Variants in PAPOLA observed in about 807,000 individuals in gnomAD.
The protein encoded by PAPOLA is poly(A) polymerase alpha, also known as polynucleotide adenylyltransferase alpha.
A neutral mutation model predicts 100.6 loss-of-function variants in PAPOLA; 15 were observed. The ratio of observed to expected loss-of-function variants is 0.15; its 90% confidence interval spans 0.10 to 0.23. The LOEUF (loss-of-function observed/expected upper bound fraction) is 0.23. PAPOLA is among the 10% of genes least tolerant of loss of function. PAPOLA has a pLI of 1.00. For synonymous variants in PAPOLA, 293 were observed against 300.0 expected, an observed-to-expected ratio of 0.98 and a Z score of 0.24; for missense variants, 533 against 884.2, an observed-to-expected ratio of 0.60 and a Z score of 5.04.
intron 21 of PAPOLA, 93 bp from the exon 22 acceptor site, chr14:96,564,862 A>G (rs970144897): frequency 7.0e-6 from 5 of 712,104 alleles, no homozygotes; most frequent in Admixed American, 2.1e-5. Context: ...TTCTTCTTAG[A>G]AGGTTTCTTA....
rs572928393 is a variant in PAPOLA, at chr14:96,565,597, G to A, written c.*547G>A. 902 of 395,450 alleles carry A rather than the reference G, an allele frequency of 2.3e-3. 3 individuals are homozygous for A. The highest frequency in any genetic ancestry group is 3.6e-3 in the Non-Finnish European group (816 of 224,134). 24.5% of individuals were successfully genotyped at this position (395,450 alleles called of 1,614,324 possible). ...AGTACATCTAGTTCAGTTCCTATGA[G>A]GTAGCTGTAACCCTTAAAAATGAAA... On this transcript the variant is annotated 3_prime_UTR_variant, in exon 22 of 22. Transcript: ENST00000216277.
rs1196304057 is a variant in PAPOLA, at chr14:96,559,575, C to CTATA, written c.2005-1073_2005-1072insATAT. Reference sequence around the variant, plus strand: ...CCTCTCTCTCTCTCTCTCTCTCTCTCTCTCTCTATATATATATATATACAC... The same window carrying CTATA: ...CCTCTCTCTCTCTCTCTCTCTCTCTCTATATCTCTCTATATATATATATATACAC... On this transcript the variant is annotated intron_variant, in intron 19 of 21. Coordinates refer to ENST00000216277, the MANE Select transcript of PAPOLA (RefSeq NM_032632.5). Among the ~76,000 whole-genome samples the CTATA allele has an allele frequency of 3.7e-3, 418 of 113,580 alleles. 2 individuals carry two copies. Among genetic ancestry groups the CTATA allele is most frequent in the Admixed American group, 0.01 (125 of 12,234 alleles). The allele number at this position is 113,580 out of a possible 152,430, so 74.5% of individuals were successfully genotyped here. A position where few individuals can be genotyped will look rare whatever the true frequency, so the allele number is the denominator to read the frequency against.
chr14:96,542,177 T>C (rs1900047692), intron 12 of PAPOLA, 66 bp from the exon 13 acceptor site: 1 of 990,262 alleles, frequency 1.0e-6, no homozygotes, highest in Admixed American at 2.1e-5. Context: ...CTTATTACTT[T>C]ATGGTTTAAT....
intron 12 of PAPOLA, among the ~76,000 whole-genome samples, chr14:96,541,200 C>T (rs1899960519): frequency 6.6e-6 from 1 of 152,142 alleles, no homozygotes; most frequent in South Asian, 2.1e-4. Context: ...AACCATGTTT[C>T]AAATACATTT....
At chr14:96,559,617 GTA>G (rs752338396) in intron 19 of PAPOLA, among the ~76,000 whole-genome samples, 274 of 112,140 alleles carry the variant, frequency 2.4e-3, no homozygotes, top group Middle Eastern at 9.4e-3. Flanking sequence ...ATATATATAT[GTA>G]TATATATATA....
At position 96,566,562 on chromosome 14, in the gene PAPOLA, T is replaced by C. The variant is rs1247451908; in HGVS notation, c.*1512T>C. ...AATCTCTTCCCCTATCCTTCTAAAT[T>C]AATTTTCTGAAGTTGGAGTGTAGTC... On this transcript the variant is annotated 3_prime_UTR_variant, in exon 22 of 22. Coordinates refer to ENST00000216277, the MANE Select transcript of PAPOLA (RefSeq NM_032632.5). 1 of 152,584 alleles carries C rather than the reference T, an allele frequency of 6.6e-6. No homozygotes were observed. Among genetic ancestry groups the C allele is most frequent in the African/African-American group, 2.4e-5 (1 of 41,452 alleles). The allele number at this position is 152,584 out of a possible 1,614,324, so 9.5% of individuals were successfully genotyped here. A position where few individuals can be genotyped will look rare whatever the true frequency, so the allele number is the denominator to read the frequency against.
At chr14:96,510,286 A>G (rs1897021803) in intron 1 of PAPOLA, among the ~76,000 whole-genome samples, 1 of 152,022 alleles carries the variant, frequency 6.6e-6, no homozygotes, top group African/African-American at 2.4e-5. Context: ...ACTTACTATA[A>G]TCTTGACTAT....
At chr14:96,560,274 C>CT (rs1010797812) in intron 19 of PAPOLA, among the ~76,000 whole-genome samples, 9 of 151,788 alleles carry the variant, frequency 5.9e-5, no homozygotes, top group Admixed American at 2.6e-4. Flanking sequence ...TTATGTGCCA[C>CT]TCTGTGTGAA....
At chr14:96,513,847 A>G (rs576835307) in intron 1 of PAPOLA, among the ~76,000 whole-genome samples, 1 of 152,278 alleles carries the variant, frequency 6.6e-6, no homozygotes, top group Admixed American at 6.5e-5. Flanking sequence ...CTTATGTGCT[A>G]TATTGTTATT....
chr14:96,562,873 G>T lies in PAPOLA; in HGVS notation c.2122G>T (p.Ala708Ser), dbSNP rs1188407522. 1.2e-6 allele frequency: 2 copies of T among 1,611,636 alleles called. No individual in the cohort carries two copies. Among genetic ancestry groups the T allele is most frequent in the South Asian group, 1.1e-5 (1 of 91,008 alleles). The stretch of plus-strand genomic sequence containing the variant: ...TCAATCAGAAACTATTCAGACAGCG[G>T]CTTCTCTGTTGGCCTCTCAGGTACT... Reference protein sequence around the residue: ...TTQSETIQTAASLLASQKTSS... With the variant: ...TTQSETIQTASSLLASQKTSS... Residue 708 changes from alanine (A) to serine (S), a missense_variant, in exon 21 of 22, where the codon GCT becomes TCT. This residue lies in a region of PAPOLA where 242 missense variants were observed against 281.0 expected (regional missense o/e 0.86). Transcript: ENST00000216277.
chr14:96,502,842 C>T (rs962946595), intron 1 of PAPOLA: 2 of 425,768 alleles, frequency 4.7e-6, no homozygotes, highest in African/African-American at 4.1e-5. Flanking sequence ...GGGCCGGGGG[C>T]CTTCCCCTTC....
intron 16 of PAPOLA, among the ~76,000 whole-genome samples, chr14:96,550,567 TG>T (rs1900765064): frequency 6.6e-6 from 1 of 152,250 alleles, no homozygotes; most frequent in Non-Finnish European, 1.5e-5. Flanking sequence ...ATACACAGAC[TG>T]TTCAGTGCCT....
chr14:96,540,278 G>A (rs1899873443), intron 12 of PAPOLA, among the ~76,000 whole-genome samples: 1 of 152,188 alleles, frequency 6.6e-6, no homozygotes, highest in Non-Finnish European at 1.5e-5. Flanking sequence ...AGAGACTGCG[G>A]GAGTTTTGTC....
intron 1 of PAPOLA, among the ~76,000 whole-genome samples, chr14:96,513,741 T>A (rs7160269): frequency 0.055 from 8,356 of 152,266 alleles, 224 homozygotes; most frequent in Non-Finnish European, 0.058. Context: ...GAAACTTTTT[T>A]AAAAATTGAT....
At chr14:96,536,095 T>G (rs1035346828) in intron 11 of PAPOLA, 96 bp downstream of exon 11, 3 of 882,646 alleles carry the variant, frequency 3.4e-6, no homozygotes, top group Admixed American at 3.1e-5. Flanking sequence ...TGAAGAAGGA[T>G]TCACTGAAGT....
chr14:96,541,135 G>A (rs1899954763), intron 12 of PAPOLA, among the ~76,000 whole-genome samples: 1 of 152,234 alleles, frequency 6.6e-6, no homozygotes. Context: ...TGATCCGCCC[G>A]CCTCGGCCTC....
intron 19 of PAPOLA, among the ~76,000 whole-genome samples, chr14:96,558,365 A>G (rs141176044): frequency 5.3e-5 from 8 of 152,258 alleles, no homozygotes; most frequent in African/African-American, 1.9e-4. Context: ...TCAGAACTCA[A>G]ATTTCTTTTG....
chr14:96,531,402 T>G, intron 6 of PAPOLA, 73 bp from the exon 7 acceptor site: 3 of 1,184,130 alleles, frequency 2.5e-6, no homozygotes, highest in Non-Finnish European at 3.6e-6. Context: ...GATTTTTTGT[T>G]TGTTTGTTTT....
At position 96,557,257 on chromosome 14, in the gene PAPOLA, T is replaced by C. The variant is rs76273971; in HGVS notation, c.2004+844T>C. On this transcript the variant is annotated intron_variant, in intron 19 of 21. Transcript: ENST00000216277. ...GTAAAGACAGAGTCTTGCTATGTTATCCAGGCTTGTCTCCAGCTCCTGGGC... is the reference window on the plus strand; with the variant it reads ...GTAAAGACAGAGTCTTGCTATGTTACCCAGGCTTGTCTCCAGCTCCTGGGC... 1.3e-5 allele frequency among the ~76,000 whole-genome samples: 2 copies of C among 152,102 alleles called. 1 individual carries two copies. Among genetic ancestry groups the C allele is most frequent in the East Asian group, 3.9e-4 (2 of 5,190 alleles).
Sources: allele counts gnomAD v4.1 joint callset (sites outside exome capture counted in the v4.1 genomes callset), GRCh38; gene constraint gnomAD v4.1.1; regional missense constraint gnomAD v4.1.1; transcripts MANE v1.5; gene names NCBI Gene and HGNC (gene_info 2026-07-23, HGNC 2026-07-21).